PRODH2: variants seen among roughly 807,000 people sequenced by gnomAD.
PRODH2 encodes the protein hydroxyproline dehydrogenase.
In PRODH2, 49 loss-of-function variants were observed where a neutral mutation model predicts 51.9. That is an observed-to-expected ratio of 0.94 (90% CI 0.75 to 1.20). The LOEUF (loss-of-function observed/expected upper bound fraction) is 1.20. PRODH2 is among the 50% of genes most tolerant of loss of function. PRODH2 has a pLI of 0.00. For synonymous variants in PRODH2, 249 were observed against 260.7 expected, an observed-to-expected ratio of 0.96 and a Z score of 0.43; for missense variants, 597 against 610.9, an observed-to-expected ratio of 0.98 and a Z score of 0.24.
rs765048933 is a variant in PRODH2, at chr19:35,800,214, C to T, written c.1207G>A (p.Gly403Ser). ...GGAATGGACTTATACACTACATAGC[C>T]GGCCTGCCCTGCAGGGAGAGTGGGT... is the stretch of plus-strand genomic sequence containing the variant. ...DHVSLALGQAGYVVYKSIPYG... is the reference protein window; with the variant it reads ...DHVSLALGQASYVVYKSIPYG... The change falls in exon 10 of 10, where the codon GGC (glycine) becomes AGC (serine). Residue 403 changes from glycine (G) to serine (S), a missense_variant. By Grantham distance (56) the Gly-to-Ser change is moderately conservative. Transcript: ENST00000653904. The T allele has an allele frequency of 4.3e-5, 67 of 1,575,194 alleles. No individual in the cohort carries two copies. The highest frequency in any genetic ancestry group is 7.5e-5 in the Admixed American group (4 of 53,242).
At position 35,812,421 on chromosome 19, in the gene PRODH2, T is replaced by C. The variant is rs148660907; in HGVS notation, c.310A>G (p.Ser104Gly). Reference protein sequence around the residue: ...KGCVQQLRTLSLRPLLAVPTE... With the variant: ...KGCVQQLRTLGLRPLLAVPTE... The stretch of plus-strand genomic sequence containing the variant: ...GGCACTGCCAGCAGTGGTCGGAGGC[T>C]GAGGGTCCGCAGCTGCTGCACGCAG... Residue 104 changes from serine (S) to glycine (G), a missense_variant, in exon 2 of 10, where the codon AGC becomes GGC. Transcript: ENST00000653904. The C allele has an allele frequency of 6.2e-7, 1 of 1,614,238 alleles. No homozygotes were observed. The highest frequency in any genetic ancestry group is 8.5e-7 in the Non-Finnish European group (1 of 1,180,034).
intron 4 of PRODH2, among the ~76,000 whole-genome samples, chr19:35,809,340 C>T (rs772052295): frequency 2.6e-5 from 4 of 152,104 alleles, no homozygotes; most frequent in Admixed American, 2.6e-4. Flanking sequence ...AAGCGACCCT[C>T]CTGCCTTAGC....
chr19:35,802,665 G>T (rs1384927244), intron 8 of PRODH2, among the ~76,000 whole-genome samples: 1 of 151,982 alleles, frequency 6.6e-6, no homozygotes, highest in Non-Finnish European at 1.5e-5. Context: ...GGGCTCAAGT[G>T]ATCCTTCCAC....
chr19:35,803,133 G>T, intron 7 of PRODH2, 55 bp from the exon 8 acceptor site: 1 of 1,304,720 alleles, frequency 7.7e-7, no homozygotes, highest in South Asian at 1.7e-5. Context: ...AGGCCCCAGC[G>T]ACTGGGGTGG....
chr19:35,802,086 T>C (rs1338856993), intron 9 of PRODH2, 105 bp downstream of exon 9: 2 of 1,032,538 alleles, frequency 1.9e-6, no homozygotes, highest in African/African-American at 1.6e-5. Flanking sequence ...CAGATCTCTC[T>C]GGAAGGATCT....
chr19:35,810,260 A>AAATAATAATAATAATAATAATAAT (rs10676244), intron 4 of PRODH2, among the ~76,000 whole-genome samples: 2 of 143,248 alleles, frequency 1.4e-5, no homozygotes, highest in African/African-American at 5.2e-5. Flanking sequence ...CTCTGTCTTA[A>AAATAATAATAATAATAATAATAAT]AATAATAATA....
At chr19:35,804,211 T>C (rs141328200) in intron 7 of PRODH2, among the ~76,000 whole-genome samples, 64 of 152,310 alleles carry the variant, frequency 4.2e-4, no homozygotes, top group African/African-American at 1.5e-3. Flanking sequence ...TTTTAGAGAC[T>C]GGGTCTCACT....
chr19:35,812,108 C>G (rs773167120), intron 3 of PRODH2, 26 bp downstream of exon 3: 12 of 1,613,268 alleles, frequency 7.4e-6, no homozygotes, highest in Non-Finnish European at 1.0e-5. Context: ...GCGCCCTCCC[C>G]GCACCCCCGT....
At position 35,807,054 on chromosome 19, in the gene PRODH2, T is replaced by C. The variant is rs1241586431; in HGVS notation, c.665A>G (p.His222Arg). The part of the protein sequence containing the change: ...QHLRASLSRL[H>R]RVAQYARAQH... ...AGGAGGGGTTACCTGTGCCACCCGATGCAGGCGGCTGAGGGAGGCCCGGAG... is the reference window on the plus strand; with the variant it reads ...AGGAGGGGTTACCTGTGCCACCCGACGCAGGCGGCTGAGGGAGGCCCGGAG... The change falls in exon 5 of 10, where the codon CAT (histidine) becomes CGT (arginine). Residue 222 changes from histidine (H) to arginine (R), a missense_variant. By Grantham distance (29) the His-to-Arg change is conservative. Transcript: ENST00000653904. 6.4e-7 allele frequency: 1 copy of C among 1,551,482 alleles called. No individual in the cohort carries two copies. The highest frequency in any genetic ancestry group is 8.7e-7 in the Non-Finnish European group (1 of 1,147,600).
intron 7 of PRODH2, 150 bp downstream of exon 7, chr19:35,806,280 C>CTAAAAA (rs1972509709): frequency 2.1e-6 from 2 of 962,150 alleles, no homozygotes; most frequent in African/African-American, 3.3e-5. Flanking sequence ...GATGGGGTCT[C>CTAAAAA]CCTGTGTTGC....
chr19:35,812,828 C>A lies in PRODH2; in HGVS notation c.-23G>T, dbSNP rs201710100. ...CATCCTGGGTCCCTGGCTGCCTCCA[C>A]ACCAGGGAAGGTTCTCTGGAGGCAG... On this transcript the variant is annotated 5_prime_UTR_variant, in exon 1 of 10. Coordinates refer to ENST00000653904, the MANE Select transcript of PRODH2 (RefSeq NM_021232.2). The A allele has an allele frequency of 1.1e-5, 17 of 1,564,822 alleles. No homozygotes were observed. The highest frequency in any genetic ancestry group is 1.5e-5 in the Non-Finnish European group (17 of 1,151,660).
chr19:35,810,591 G>A (rs976001878), intron 4 of PRODH2, among the ~76,000 whole-genome samples: 1 of 151,108 alleles, frequency 6.6e-6, no homozygotes, highest in Non-Finnish European at 1.5e-5. Flanking sequence ...GCACGATCTC[G>A]GTTTACTGCA....
rs149964020 is a variant in PRODH2 at position 35,806,587 on chromosome 19, C to T, written c.844G>A (p.Glu282Lys). ...TYQACLKDTF[E>K]RLGRDAEAAH... Reference sequence around the variant, plus strand: ...GCCTCTGCATCCCTCCCCAGCCGCTCGAATGTGTCCTATAGGGCACGCAGG... The same window carrying T: ...GCCTCTGCATCCCTCCCCAGCCGCTTGAATGTGTCCTATAGGGCACGCAGG... The change falls in exon 7 of 10, where the codon GAG becomes AAG. Residue 282 changes from glutamate (E) to lysine (K), a missense_variant. Physicochemically the swap from Glu to Lys is moderately conservative, Grantham distance 56 (BLOSUM62 1). Transcript: ENST00000653904. 1.8e-3 allele frequency: 2,875 copies of T among 1,614,136 alleles called. 35 individuals carry two copies. In the African/African-American group the frequency reaches 0.028, roughly 16 times the overall value.
chr19:35,805,378 T>A (rs1270609375), intron 7 of PRODH2, among the ~76,000 whole-genome samples: 1 of 152,128 alleles, frequency 6.6e-6, no homozygotes, highest in Non-Finnish European at 1.5e-5. Context: ...GTGATTCTCC[T>A]TCCTCAGCCT....
chr19:35,811,558 GA>G (rs1351745943), intron 4 of PRODH2, among the ~76,000 whole-genome samples: 4 of 150,590 alleles, frequency 2.7e-5, no homozygotes, highest in East Asian at 3.9e-4. Context: ...GAGAAAGAAA[GA>G]AAAAAAGATG....
intron 9 of PRODH2, chr19:35,801,850 G>C (rs1972436166): frequency 7.3e-6 from 2 of 274,536 alleles, no homozygotes; most frequent in Non-Finnish European, 7.0e-6. Context: ...TGTGCCAGTG[G>C]GGTGTTTCAA....
chr19:35,803,104 C>T (rs1229323720), intron 7 of PRODH2, 26 bp from the exon 8 acceptor site: 1 of 1,484,960 alleles, frequency 6.7e-7, no homozygotes, highest in African/African-American at 1.4e-5. Context: ...CTGTTCAGCT[C>T]ACCTGGTGAG....
intron 8 of PRODH2, 50 bp downstream of exon 8, chr19:35,802,918 G>C (rs570447803): frequency 1.2e-5 from 16 of 1,323,392 alleles, no homozygotes; most frequent in East Asian, 1.0e-4. Context: ...GAGAGGAAGG[G>C]AGGGCCCTTT....
Position 35,800,180 on chromosome 19 carries a change from G to T in PRODH2, c.1241C>A (p.Ser414Tyr). Reference protein sequence around the residue: ...YVVYKSIPYGSLEEVIPYLIR... With the variant: ...YVVYKSIPYGYLEEVIPYLIR... The stretch of plus-strand genomic sequence containing the variant: ...CAGGTAGGGGATTACCTCCTCCAAG[G>T]AGCCATAGGGAATGGACTTATACAC... The change falls in exon 10 of 10, where the codon TCC (serine) becomes TAC (tyrosine). Residue 414 changes from serine to tyrosine, a missense_variant. Physicochemically the swap from Ser to Tyr is moderately radical, Grantham distance 144. Coordinates refer to ENST00000653904, the MANE Select transcript of PRODH2 (RefSeq NM_021232.2). 1 of 1,602,110 alleles carries T rather than the reference G, an allele frequency of 6.2e-7. No homozygotes were observed. The highest frequency in any genetic ancestry group is 8.5e-7 in the Non-Finnish European group (1 of 1,174,174).
Sources: gnomAD v4.1 joint callset for allele counts (sites outside exome capture counted in the v4.1 genomes callset) on GRCh38, gnomAD v4.1.1 for gene constraint, MANE v1.5 for transcripts, NCBI Gene and HGNC (gene_info 2026-07-23, HGNC 2026-07-21) for gene names.